AGMO: variants seen among roughly 807,000 people sequenced by gnomAD.
The protein encoded by AGMO is alkylglycerol monooxygenase.
A neutral mutation model predicts 60.2 loss-of-function variants in AGMO; 75 were observed. That is an observed-to-expected ratio of 1.25 (90% CI 1.03 to 1.51). The LOEUF is 1.51. AGMO is among the 40% of genes most tolerant of loss of function. AGMO has a pLI of 0.00. For missense variants in AGMO, 763 were observed against 525.5 expected (o/e 1.45, Z -4.42); for synonymous variants, 261 against 177.1 (o/e 1.47, Z -3.76).
intron 10 of AGMO, 143 bp downstream of exon 10, chr7:15,385,303 C>T (rs1404573542): frequency 1.8e-5 from 10 of 557,658 alleles, no homozygotes; most frequent in East Asian, 9.4e-5. Context: ...ATTTGTTTTA[C>T]CTATTTAAAT....
At chr7:15,139,353 T>C in the AGMO span, among the ~76,000 whole-genome samples, 1 of 152,182 alleles carries the variant, frequency 6.6e-6, no homozygotes, top group Admixed American at 6.5e-5. Flanking sequence ...ATTCTGATGT[T>C]GTATTCTTTC....
chr7:15,272,412 G>C (rs1783643795), intron 12 of AGMO, among the ~76,000 whole-genome samples: 5 of 151,608 alleles, frequency 3.3e-5, no homozygotes, highest in Admixed American at 3.3e-4. Context: ...AGTTTCCTGA[G>C]AAAGATAGTT....
chr7:15,391,644 C>T (rs10270169), intron 6 of AGMO, among the ~76,000 whole-genome samples: 52,575 of 151,970 alleles, frequency 0.35, 9,204 homozygotes, highest in Middle Eastern at 0.47. Flanking sequence ...TGCATGCAAC[C>T]ACACATTTGA....
At chr7:15,301,420 CAGAG>C (rs917351660) in intron 12 of AGMO, among the ~76,000 whole-genome samples, 68 of 151,354 alleles carry the variant, frequency 4.5e-4, no homozygotes, top group African/African-American at 1.6e-3. Context: ...GCCTGGGAGA[CAGAG>C]AGAGCTTCAG....
chr7:15,386,747 CATTT>C (rs1318472981), intron 9 of AGMO, among the ~76,000 whole-genome samples: 2 of 152,102 alleles, frequency 1.3e-5, no homozygotes, highest in Admixed American at 6.6e-5. Context: ...CATTACTATA[CATTT>C]ATTTGATAAG....
intron 12 of AGMO, among the ~76,000 whole-genome samples, chr7:15,210,087 G>T (rs1026647244): frequency 3.3e-5 from 5 of 152,040 alleles, no homozygotes; most frequent in African/African-American, 9.7e-5. Flanking sequence ...CCTATCAACT[G>T]CTGGGAAGGA....
chr7:15,343,556 G>T (rs73064547), intron 12 of AGMO, among the ~76,000 whole-genome samples: 16,885 of 151,978 alleles, frequency 0.11, 978 homozygotes, highest in East Asian at 0.19. Context: ...ATTACTATCA[G>T]GTATAGAAAT....
chr7:15,438,692 T>C (rs1396903574), intron 3 of AGMO, among the ~76,000 whole-genome samples: 1 of 152,116 alleles, frequency 6.6e-6, no homozygotes, highest in African/African-American at 2.4e-5. Context: ...ACTAAGGCCC[T>C]AGGGTACGCA....
chr7:15,167,288 TCA>T, the AGMO span, among the ~76,000 whole-genome samples: 5 of 152,162 alleles, frequency 3.3e-5, no homozygotes, highest in East Asian at 7.7e-4. Flanking sequence ...GGTAAACAAC[TCA>T]CATAATTTCA....
At chr7:15,245,783 T>C (rs1782722251) in intron 12 of AGMO, among the ~76,000 whole-genome samples, 1 of 152,124 alleles carries the variant, frequency 6.6e-6, no homozygotes, top group Admixed American at 6.6e-5. Flanking sequence ...AATCCAGAAA[T>C]AGCACAAATG....
At chr7:15,270,203 G>T (rs1457675569) in intron 12 of AGMO, among the ~76,000 whole-genome samples, 1 of 151,946 alleles carries the variant, frequency 6.6e-6, no homozygotes, top group Non-Finnish European at 1.5e-5. Context: ...TTTTCATAGA[G>T]GTTGTACTAA....
the AGMO span, among the ~76,000 whole-genome samples, chr7:15,153,183 TG>T: frequency 6.4e-5 from 3 of 46,738 alleles, no homozygotes; most frequent in African/African-American, 1.8e-4. Context: ...TTGATAGGAT[TG>T]TTTTTTTTTT....
intron 12 of AGMO, among the ~76,000 whole-genome samples, chr7:15,311,306 G>A (rs1287326180): frequency 6.6e-6 from 1 of 152,124 alleles, no homozygotes; most frequent in Non-Finnish European, 1.5e-5. Context: ...TGCTCTAGTA[G>A]AGGTGACATT....
At chr7:15,443,043 C>T (rs1055328404) in intron 3 of AGMO, among the ~76,000 whole-genome samples, 5 of 152,210 alleles carry the variant, frequency 3.3e-5, no homozygotes, top group African/African-American at 4.8e-5. Context: ...TCCATCTCCC[C>T]TCTGGCTTCG....
intron 5 of AGMO, among the ~76,000 whole-genome samples, chr7:15,411,285 T>C (rs1780597004): frequency 6.6e-6 from 1 of 152,034 alleles, no homozygotes; most frequent in East Asian, 1.9e-4. Flanking sequence ...ACCCAGTCTG[T>C]GGTATTCTGT....
At chr7:15,272,269 TCCCTCCC>T (rs935102221) in intron 12 of AGMO, among the ~76,000 whole-genome samples, 9 of 121,534 alleles carry the variant, frequency 7.4e-5, no homozygotes, top group African/African-American at 2.5e-4. Context: ...CCTAATGCTA[TCCCTCCC>T]CCCTCCCCCC....
At position 15,270,642 on chromosome 7, in the gene AGMO, T is replaced by G. The variant is rs1220782659; in HGVS notation, c.1264-69283A>C. ...TTTTTTTTTTTTTTTTTTTTTGCTGTGCAGAAGCTTTTGGGTTTAATTAAG... is the reference window on the plus strand; with the variant it reads ...TTTTTTTTTTTTTTTTTTTTTGCTGGGCAGAAGCTTTTGGGTTTAATTAAG... On this transcript the variant is annotated intron_variant, in intron 12 of 12. Coordinates refer to ENST00000342526, the MANE Select transcript of AGMO (RefSeq NM_001004320.2). Among the ~76,000 whole-genome samples the G allele has an allele frequency of 7.5e-5, 10 of 133,956 alleles. 1 individual carries two copies. The highest frequency in any genetic ancestry group is 2.8e-4 in the African/African-American group (10 of 35,496). 87.9% of individuals were successfully genotyped at this position (133,956 alleles called of 152,430 possible).
At position 15,506,759 on chromosome 7, in the gene AGMO, T is replaced by C. The variant is rs1188289189; in HGVS notation, c.409+38013A>G. ...ATTCAGATAAAAGTGGGACAAAATATAGAGCCAGATCTCAGAAAGTGTGAG... is the reference window on the plus strand; with the variant it reads ...ATTCAGATAAAAGTGGGACAAAATACAGAGCCAGATCTCAGAAAGTGTGAG... On this transcript the variant is annotated intron_variant, in intron 3 of 12. Transcript: ENST00000342526. Among the ~76,000 whole-genome samples the C allele has an allele frequency of 3.3e-5, 5 of 151,898 alleles. No homozygotes were observed. The East Asian group carries it at 7.8e-4, about 24-fold the overall frequency.
chr7:15,153,955 A>G, the AGMO span, among the ~76,000 whole-genome samples: 9 of 152,068 alleles, frequency 5.9e-5, no homozygotes, highest in Non-Finnish European at 1.2e-4. Context: ...TTTTCACAAT[A>G]TTGATTCTAT....
Sources: allele counts gnomAD v4.1 joint callset (sites outside exome capture counted in the v4.1 genomes callset), GRCh38; gene constraint gnomAD v4.1.1; transcripts MANE v1.5; gene names NCBI Gene and HGNC (gene_info 2026-07-23, HGNC 2026-07-21).